The following DAP variants were observed in gnomAD, a reference collection of about 807,000 sequenced individuals.
DAP encodes the protein death associated protein, also known as death-associated protein 1.
In DAP, 8 loss-of-function variants were observed where a neutral mutation model predicts 13.8. The ratio of observed to expected loss-of-function variants is 0.58; its 90% CI spans 0.34 to 1.05. The LOEUF (loss-of-function observed/expected upper bound fraction) is 1.05, where lower values mean the gene tolerates loss of function less well. DAP is among the 50% of genes least tolerant of loss of function. DAP has a pLI of 0.03. For missense variants in DAP, 106 were observed against 133.2 expected, an observed-to-expected ratio of 0.80 and a Z score of 1.01; for synonymous variants, 47 against 47.5, an observed-to-expected ratio of 0.99 and a Z score of 0.04.
chr5:10,724,778 A>AT (rs1695916985), intron 2 of DAP, among the ~76,000 whole-genome samples: 2 of 152,140 alleles, frequency 1.3e-5, no homozygotes, highest in Admixed American at 6.6e-5. Context: ...TCCCTAATGG[A>AT]TGAGGGCTCC....
Position 10,680,605 on chromosome 5 carries a change from A to G in DAP, c.*451T>C. On this transcript the variant is annotated 3_prime_UTR_variant, in exon 4 of 4. Transcript: ENST00000230895. ...CCTTTATGAGGGGCCGCCCAAACTC[A>G]TTCCCTTAGTTCTTACTCTCCCACA... is the stretch of plus-strand genomic sequence containing the variant. 1.1e-6 allele frequency: 1 copy of G among 927,608 alleles called. No individual in the cohort carries two copies. The highest frequency in any genetic ancestry group is 1.8e-5 in the South Asian group (1 of 56,200). 57.5% of individuals were successfully genotyped at this position (927,608 alleles called of 1,614,324 possible).
chr5:10,707,834 C>G lies in DAP; in HGVS notation c.153-24263G>C, dbSNP rs1048864162. Among the ~76,000 whole-genome samples the G allele has an allele frequency of 3.3e-5, 5 of 152,186 alleles. No individual in the cohort carries two copies. Among genetic ancestry groups the G allele is most frequent in the Non-Finnish European group, 5.9e-5 (4 of 68,038 alleles). ...GGGTGGCACTGGATGAGTACTGGCTCTGCTCATCATCCAGTTCTCTTTTAG... is the reference window on the plus strand; with the variant it reads ...GGGTGGCACTGGATGAGTACTGGCTGTGCTCATCATCCAGTTCTCTTTTAG... On this transcript the variant is annotated intron_variant, in intron 2 of 3. Transcript: ENST00000230895. The surrounding 1 kb of genome is among the most constrained non-coding windows in gnomAD (Gnocchi z 4.0).
rs139590443 is a variant in DAP at position 10,700,170 on chromosome 5, A to T, written c.153-16599T>A. Among the ~76,000 whole-genome samples, 855 of 152,292 alleles carry T rather than the reference A, an allele frequency of 5.6e-3. 3 individuals are homozygous for T. Among genetic ancestry groups the T allele is most frequent in the Middle Eastern group, 0.01 (3 of 294 alleles). ...CCACTAAGACGTCAGAGGGGAATTGATGTGTAGTGTATAATCCTCACTTTG... is the reference window on the plus strand; with the variant it reads ...CCACTAAGACGTCAGAGGGGAATTGTTGTGTAGTGTATAATCCTCACTTTG... On this transcript the variant is annotated intron_variant, in intron 2 of 3. Transcript: ENST00000230895.
Position 10,683,512 on chromosome 5 carries a change from G to A in DAP, c.195+17C>T. 6.2e-7 allele frequency: 1 copy of A among 1,613,842 alleles called. No individual in the cohort carries two copies. Among genetic ancestry groups the A allele is most frequent in the South Asian group, 1.1e-5 (1 of 91,068 alleles). Reference sequence around the variant, plus strand: ...ATGCAAAAGCCTCAAACCCACCGCAGACACTCCCAGACTTACCCGGGCGAT... The same window carrying A: ...ATGCAAAAGCCTCAAACCCACCGCAAACACTCCCAGACTTACCCGGGCGAT... On this transcript the variant is annotated intron_variant, in intron 3 of 3. Coordinates refer to ENST00000230895, the MANE Select transcript of DAP (RefSeq NM_004394.3).
chr5:10,738,198 G>A (rs1026803962), intron 2 of DAP, among the ~76,000 whole-genome samples: 1 of 152,226 alleles, frequency 6.6e-6, no homozygotes, highest in Non-Finnish European at 1.5e-5. Flanking sequence ...AGGCAGCCCT[G>A]GGAAACAAAT....
In DAP at chr5:10,707,124, T is replaced by C. The variant is rs947905939; in HGVS notation, c.153-23553A>G. On this transcript the variant is annotated intron_variant, in intron 2 of 3. Coordinates refer to ENST00000230895, the MANE Select transcript of DAP (RefSeq NM_004394.3). The surrounding 1 kb of genome is among the most constrained non-coding windows in gnomAD (Gnocchi z 4.0). Reference sequence around the variant, plus strand: ...AACGTCTGAGGTGGCTGGGGCTCAATGTCAAATGAATAATGAAAACTCAAC... The same window carrying C: ...AACGTCTGAGGTGGCTGGGGCTCAACGTCAAATGAATAATGAAAACTCAAC... 5.9e-5 allele frequency among the ~76,000 whole-genome samples: 9 copies of C among 152,144 alleles called. No individual in the cohort carries two copies. Among genetic ancestry groups the C allele is most frequent in the Admixed American group, 5.2e-4 (8 of 15,282 alleles).
In DAP at chr5:10,680,616, TCTTA is replaced by T. The variant is rs1737959630; in HGVS notation, c.*436_*439del. The T allele has an allele frequency of 4.0e-6, 4 of 1,009,508 alleles. No homozygotes were observed. Among genetic ancestry groups the T allele is most frequent in the Non-Finnish European group, 5.7e-6 (4 of 703,592 alleles). 62.5% of individuals were successfully genotyped at this position (1,009,508 alleles called of 1,614,324 possible). A position where few individuals can be genotyped will look rare whatever the true frequency, so the allele number is the denominator to read the frequency against. ...GGCCGCCCAAACTCATTCCCTTAGT[TCTTA>T]CTCTCCCACAGGTGTTGAGATTTTA... On this transcript the variant is annotated 3_prime_UTR_variant, in exon 4 of 4. Coordinates refer to ENST00000230895, the MANE Select transcript of DAP (RefSeq NM_004394.3).
chr5:10,737,776 A>G (rs538188852), intron 2 of DAP, among the ~76,000 whole-genome samples: 1 of 152,332 alleles, frequency 6.6e-6, no homozygotes, highest in South Asian at 2.1e-4. Flanking sequence ...TCCTCCAAAA[A>G]AGGCATGCTG....
intron 2 of DAP, among the ~76,000 whole-genome samples, chr5:10,737,116 C>T (rs1739631063): frequency 6.6e-6 from 1 of 152,164 alleles, no homozygotes; most frequent in South Asian, 2.1e-4. Context: ...GAGGCTGAGG[C>T]AGGCGATCAC....
chr5:10,738,918 C>G (rs1477432029), intron 2 of DAP, among the ~76,000 whole-genome samples: 2 of 152,066 alleles, frequency 1.3e-5, no homozygotes, highest in African/African-American at 2.4e-5. Context: ...ATGGGAGGAG[C>G]AGGGCTGGGT....
intron 2 of DAP, among the ~76,000 whole-genome samples, chr5:10,717,790 T>A (rs1453520162): frequency 6.6e-6 from 1 of 151,958 alleles, no homozygotes; most frequent in Non-Finnish European, 1.5e-5. Flanking sequence ...ATCAGAATAG[T>A]CTGACTAGTG....
chr5:10,722,611 TACACATATATAC>T (rs1412631533), intron 2 of DAP, among the ~76,000 whole-genome samples: 2 of 149,048 alleles, frequency 1.3e-5, no homozygotes, highest in Non-Finnish European at 3.0e-5. Flanking sequence ...TATACATATA[TACACATATATAC>T]ACACATATAT....
At chr5:10,734,177 A>G (rs992460563) in intron 2 of DAP, 5 of 152,252 alleles carry the variant, frequency 3.3e-5, no homozygotes, top group African/African-American at 1.2e-4. Context: ...GAGAACTGAT[A>G]GCCCCATTTC....
At chr5:10,728,477 C>A (rs889137170) in intron 2 of DAP, among the ~76,000 whole-genome samples, 3 of 152,124 alleles carry the variant, frequency 2.0e-5, no homozygotes, top group African/African-American at 4.8e-5. Flanking sequence ...TGTTCTTTTG[C>A]CCTATTTTCA....
At chr5:10,738,968 T>C (rs1579815163) in intron 2 of DAP, among the ~76,000 whole-genome samples, 1 of 151,816 alleles carries the variant, frequency 6.6e-6, no homozygotes, top group Non-Finnish European at 1.5e-5. Context: ...TTTGGGAGGC[T>C]GAGGAGGGTG....
intron 3 of DAP, chr5:10,683,059 G>A (rs377707634): frequency 2.6e-5 from 6 of 228,110 alleles, no homozygotes; most frequent in African/African-American, 1.4e-4. Flanking sequence ...TGTGGCCAGG[G>A]TGGGGTCCAC....
intron 2 of DAP, among the ~76,000 whole-genome samples, chr5:10,741,761 G>A (rs188656111): frequency 3.3e-5 from 5 of 152,278 alleles, no homozygotes; most frequent in South Asian, 2.1e-4. Context: ...TAGCACCTTC[G>A]TGGTCATTCA....
chr5:10,683,789 C>A (rs1738091638), intron 2 of DAP, among the ~76,000 whole-genome samples: 1 of 152,142 alleles, frequency 6.6e-6, no homozygotes, highest in Non-Finnish European at 1.5e-5. Context: ...GAGAGAGAAA[C>A]AGACTGCAGC....
chr5:10,731,708 TC>T (rs1739466063), intron 2 of DAP, among the ~76,000 whole-genome samples: 1 of 152,168 alleles, frequency 6.6e-6, no homozygotes, highest in Non-Finnish European at 1.5e-5. Context: ...GATAGGCAGG[TC>T]ACCTGATTCT....
Sources: gnomAD v4.1 joint callset for allele counts (sites outside exome capture counted in the v4.1 genomes callset) on GRCh38, gnomAD v4.1.1 for gene constraint, Gnocchi (gnomAD v3.1) non-coding constraint, MANE v1.5 for transcripts, NCBI Gene and HGNC (gene_info 2026-07-23, HGNC 2026-07-21) for gene names.